TBC1D23: variants seen among roughly 807,000 people sequenced by gnomAD.
The protein encoded by TBC1D23 is HCV non-structural protein 4A-transactivated protein 1.
Under a neutral mutation model 91.4 loss-of-function variants are expected in TBC1D23, and 55 were observed. That is an observed-to-expected ratio of 0.60 (90% CI 0.48 to 0.75). The LOEUF is 0.75. TBC1D23 is among the 30% of genes least tolerant of loss of function. The probability of loss-of-function intolerance (pLI) is 0.00; values close to 1 mark genes in which losing one functional copy is unlikely to be tolerated. For missense variants in TBC1D23, 725 were observed against 836.1 expected (o/e 0.87, Z 1.64); for synonymous variants, 289 against 281.0 (o/e 1.03, Z -0.28).
At chr3:100,315,783 T>G (rs895994186) in intron 15 of TBC1D23, 20 of 306,286 alleles carry the variant, frequency 6.5e-5, no homozygotes, top group Admixed American at 2.1e-4. Context: ...CACAAAAGGC[T>G]AAATAACTTC....
At chr3:100,302,000 T>A (rs1576177597) in intron 10 of TBC1D23, 67 bp from the exon 11 acceptor site, 32 of 1,326,394 alleles carry the variant, frequency 2.4e-5, no homozygotes, top group East Asian at 1.5e-4. Flanking sequence ...CTAAAAAAAA[T>A]TTCAAATTTA....
chr3:100,261,154 C>T lies in TBC1D23; in HGVS notation c.53+83C>T, dbSNP rs532812508. The T allele has an allele frequency of 5.3e-5, 74 of 1,395,918 alleles. 1 individual carries two copies. The African/African-American group carries it at 8.8e-4, about 17-fold the overall frequency. The allele number at this position is 1,395,918 out of a possible 1,614,324, so 86.5% of individuals were successfully genotyped here. ...TGCCGGTCCCCGAGGAGCCGTCTGG[C>T]GTCGGCATGGAACGGAGAGGCCGGT... On this transcript the variant is annotated intron_variant, in intron 1 of 18. Transcript: ENST00000394144.
chr3:100,305,910 G>C (rs949078622), intron 12 of TBC1D23, among the ~76,000 whole-genome samples: 1 of 152,108 alleles, frequency 6.6e-6, no homozygotes, highest in African/African-American at 2.4e-5. Flanking sequence ...ATTCTCAAAA[G>C]TGTCTGAAAA....
At chr3:100,303,995 C>G (rs1364104507) in intron 11 of TBC1D23, among the ~76,000 whole-genome samples, 2 of 152,064 alleles carry the variant, frequency 1.3e-5, no homozygotes, top group African/African-American at 4.8e-5. Context: ...ATAACCACAT[C>G]ATTATCATAC....
intron 4 of TBC1D23, among the ~76,000 whole-genome samples, chr3:100,284,989 T>C (rs926614877): frequency 3.3e-5 from 5 of 152,188 alleles, no homozygotes; most frequent in African/African-American, 1.2e-4. Context: ...CCTTGATAGT[T>C]AACTGACTCT....
At chr3:100,285,569 G>T (rs140740535) in intron 4 of TBC1D23, among the ~76,000 whole-genome samples, 52 of 152,056 alleles carry the variant, frequency 3.4e-4, no homozygotes, top group African/African-American at 1.2e-3. Context: ...GTGTAGATGT[G>T]TATTTTCATT....
intron 10 of TBC1D23, among the ~76,000 whole-genome samples, chr3:100,300,730 C>T (rs747541518): frequency 1.8e-4 from 28 of 151,998 alleles, no homozygotes; most frequent in Non-Finnish European, 3.4e-4. Flanking sequence ...AAACTCCCAG[C>T]TTCAAGTGAT....
intron 13 of TBC1D23, among the ~76,000 whole-genome samples, chr3:100,309,610 CTTTTTTT>C (rs71132518): frequency 3.4e-5 from 4 of 116,124 alleles, no homozygotes; most frequent in Admixed American, 9.4e-5. Flanking sequence ...ATTCTACCTT[CTTTTTTT>C]TTTTTTTTTT....
chr3:100,319,054 T>G lies in TBC1D23; in HGVS notation c.1688-15T>G. On this transcript the variant is annotated splice_polypyrimidine_tract_variant and intron_variant, in intron 16 of 18. Coordinates refer to ENST00000394144, the MANE Select transcript of TBC1D23 (RefSeq NM_001199198.3). ...GTTGGTAATATCCATATTTAATACT[T>G]TGTATTTTTTATAGATGAAATTGAC... 6.7e-7 allele frequency: 1 copy of G among 1,499,724 alleles called. No homozygotes were observed. Among genetic ancestry groups the G allele is most frequent in the Non-Finnish European group, 9.1e-7 (1 of 1,094,618 alleles). 92.9% of individuals were successfully genotyped at this position (1,499,724 alleles called of 1,614,324 possible).
At chr3:100,296,609 C>T (rs1441198774) in intron 8 of TBC1D23, among the ~76,000 whole-genome samples, 5 of 152,066 alleles carry the variant, frequency 3.3e-5, no homozygotes, top group Non-Finnish European at 7.4e-5. Flanking sequence ...CCTGTAATCC[C>T]AGCACTTTGG....
At position 100,302,048 on chromosome 3, in the gene TBC1D23, C is replaced by G; in HGVS notation, c.1093-19C>G. On this transcript the variant is annotated intron_variant, in intron 10 of 18. Coordinates refer to ENST00000394144, the MANE Select transcript of TBC1D23 (RefSeq NM_001199198.3). ...AAACACAGGCTTGTCAAGTTTTTAA[C>G]TTTAAAAAAATTGTCTAGATGCTTC... is the stretch of plus-strand genomic sequence containing the variant. 1 of 1,567,964 alleles carries G rather than the reference C, an allele frequency of 6.4e-7. No individual in the cohort carries two copies. Among genetic ancestry groups the G allele is most frequent in the Non-Finnish European group, 8.6e-7 (1 of 1,162,686 alleles).
intron 1 of TBC1D23, among the ~76,000 whole-genome samples, chr3:100,273,384 C>G (rs913298074): frequency 6.6e-6 from 1 of 152,150 alleles, no homozygotes; most frequent in Admixed American, 6.5e-5. Flanking sequence ...ATGGAGTCTC[C>G]TATGTCTACT....
intron 1 of TBC1D23, among the ~76,000 whole-genome samples, chr3:100,271,497 T>C (rs548188533): frequency 6.6e-6 from 1 of 152,146 alleles, no homozygotes; most frequent in South Asian, 2.1e-4. Flanking sequence ...TGGGTGGAGA[T>C]AAGAGTCAGG....
intron 1 of TBC1D23, among the ~76,000 whole-genome samples, chr3:100,271,949 A>G (rs2067603080): frequency 6.6e-6 from 1 of 152,166 alleles, no homozygotes; most frequent in Non-Finnish European, 1.5e-5. Flanking sequence ...GGGCCATGGA[A>G]TCAAGACAGA....
rs778493465 is a variant in TBC1D23 at position 100,299,329 on chromosome 3, C to T, written c.1090C>T (p.Leu364=). 4.4e-6 allele frequency: 7 copies of T among 1,588,112 alleles called. No homozygotes were observed. Among genetic ancestry groups the T allele is most frequent in the Non-Finnish European group, 6.0e-6 (7 of 1,157,486 alleles). The change falls in exon 10 of 19, where the codon CTG becomes TTG. Residue 364 remains leucine, a splice_region_variant and synonymous_variant. Coordinates refer to ENST00000394144, the MANE Select transcript of TBC1D23 (RefSeq NM_001199198.3). The part of the protein sequence containing the change: ...LSTAFHLDSD[L]MLQNPSEFAQ... ...AACTGCTTTCCACTTAGATTCAGAC[C>T]TGGTTAGTATAAATGCTGATTAATT...
intron 11 of TBC1D23, among the ~76,000 whole-genome samples, chr3:100,302,668 C>T (rs914620951): frequency 6.6e-6 from 1 of 152,098 alleles, no homozygotes; most frequent in African/African-American, 2.4e-5. Flanking sequence ...CTCAGTGCAA[C>T]CTCTGCATCC....
At chr3:100,283,000 C>CT (rs1395266155) in intron 3 of TBC1D23, among the ~76,000 whole-genome samples, 3 of 152,154 alleles carry the variant, frequency 2.0e-5, no homozygotes, top group Admixed American at 2.0e-4. Flanking sequence ...TCTCAACAGA[C>CT]TAGGTAAGAA....
chr3:100,286,727 C>A (rs956761244), intron 4 of TBC1D23, among the ~76,000 whole-genome samples: 1 of 152,056 alleles, frequency 6.6e-6, no homozygotes, highest in Non-Finnish European at 1.5e-5. Context: ...AACTTCTGAC[C>A]TCAAGGGATC....
chr3:100,319,978 AC>A (rs1705821200), intron 17 of TBC1D23, among the ~76,000 whole-genome samples: 1 of 151,952 alleles, frequency 6.6e-6, no homozygotes, highest in Admixed American at 6.6e-5. Context: ...TACAGATCAT[AC>A]CCCAAATTTT....
Sources: allele counts gnomAD v4.1 joint callset (sites outside exome capture counted in the v4.1 genomes callset), GRCh38; gene constraint gnomAD v4.1.1; transcripts MANE v1.5; gene names NCBI Gene and HGNC (gene_info 2026-07-23, HGNC 2026-07-21).